The following CSMD2 variants were observed in gnomAD, a reference collection of about 807,000 sequenced individuals.
CSMD2 encodes the protein CUB and Sushi multiple domains 2, also known as CUB and sushi domain-containing protein 2.
A neutral mutation model predicts 398.5 loss-of-function variants in CSMD2; 130 were observed. The ratio of observed to expected loss-of-function variants is 0.33; its 90% CI spans 0.28 to 0.38. The LOEUF (loss-of-function observed/expected upper bound fraction) is 0.38. Ranked by LOEUF, CSMD2 falls within the 10% of genes least tolerant of loss-of-function variation. The pLI, the probability that CSMD2 is intolerant of heterozygous loss-of-function variation, is 1.00. For missense variants in CSMD2, 3,829 were observed against 4,764.9 expected, an observed-to-expected ratio of 0.80 and a Z score of 5.78; for synonymous variants, 1,828 against 1,908.5, an observed-to-expected ratio of 0.96 and a Z score of 1.10.
intron 3 of CSMD2, among the ~76,000 whole-genome samples, chr1:34,009,521 T>A (rs1647176341): frequency 6.6e-6 from 1 of 151,652 alleles, no homozygotes; most frequent in Non-Finnish European, 1.5e-5. Context: ...TACTCCCAGC[T>A]CTCCTGGGAC....
intron 3 of CSMD2, among the ~76,000 whole-genome samples, chr1:33,938,980 T>A (rs1198461031): frequency 6.6e-6 from 1 of 151,850 alleles, no homozygotes; most frequent in Admixed American, 6.5e-5. Flanking sequence ...GTACTTCCCA[T>A]CTTTTGCTCT....
rs1654641071 is a variant in CSMD2 at position 33,524,943 on chromosome 1, A to G, written c.10335T>C (p.Val3445=). 2 of 1,614,088 alleles carry G rather than the reference A, an allele frequency of 1.2e-6. No individual in the cohort carries two copies. The highest frequency in any genetic ancestry group is 2.7e-5 in the African/African-American group (2 of 74,932). ...PAMLRVTGFQ[V]ANSKVNATMI... ...TGGTGGCATTGACCTTGCTGTTGGC[A>G]ACTTGGAAGCCAGTCACTCTGAGCA... Residue 3445 remains valine, a synonymous_variant, in exon 66 of 71, where the codon GTT becomes GTC. Transcript: ENST00000373381.
chr1:33,586,515 G>A lies in CSMD2; in HGVS notation c.7040C>T (p.Pro2347Leu), dbSNP rs778988624. The change falls in exon 46 of 71, where the codon CCG (proline) becomes CTG (leucine). Residue 2347 changes from proline (P) to leucine (L), a missense_variant. By Grantham distance (98) the Pro-to-Leu change is moderately conservative. Coordinates refer to ENST00000373381, the MANE Select transcript of CSMD2 (RefSeq NM_001281956.2). ...GTYLQFEGPP[P>L]ICEVHCPTNE... ...CTCCATGCAATTACCTTCACATATCGGGGGTGGTCCTTCAAACTGCAGGTA... is the reference window on the plus strand; with the variant it reads ...CTCCATGCAATTACCTTCACATATCAGGGGTGGTCCTTCAAACTGCAGGTA... The A allele has an allele frequency of 1.6e-5, 25 of 1,610,078 alleles. No individual in the cohort carries two copies. The highest frequency in any genetic ancestry group is 6.6e-5 in the South Asian group (6 of 90,982).
chr1:33,591,534 A>C (rs1557587411), intron 44 of CSMD2, among the ~76,000 whole-genome samples: 1 of 152,190 alleles, frequency 6.6e-6, no homozygotes, highest in Non-Finnish European at 1.5e-5. Flanking sequence ...CCATCACCTG[A>C]GTTTTTAAAA....
At position 33,999,473 on chromosome 1, in the gene CSMD2, G is replaced by T. The variant is rs559697573; in HGVS notation, c.517+33121C>A. ...GTAGCGAGATCATAGCTCACTTACT[G>T]CAGCCTTTAACTCCTGGGCTCAAGG... On this transcript the variant is annotated intron_variant, in intron 3 of 70. Transcript: ENST00000373381. 5.9e-5 allele frequency among the ~76,000 whole-genome samples: 9 copies of T among 152,180 alleles called. No individual in the cohort carries two copies. The South Asian group carries it at 1.9e-3, about 32-fold the overall frequency.
At chr1:33,744,657 C>T (rs1647208227) in intron 13 of CSMD2, among the ~76,000 whole-genome samples, 1 of 151,848 alleles carries the variant, frequency 6.6e-6, no homozygotes, top group Admixed American at 6.6e-5. Context: ...ACGCTTATGA[C>T]ACAGGAAAAA....
intron 1 of CSMD2, among the ~76,000 whole-genome samples, chr1:34,094,233 T>C (rs1658996702): frequency 6.6e-6 from 1 of 152,000 alleles, no homozygotes; most frequent in Non-Finnish European, 1.5e-5. Flanking sequence ...CCACCAGGCC[T>C]GCCCTAAAAG....
intron 19 of CSMD2, among the ~76,000 whole-genome samples, chr1:33,721,774 G>A (rs1344822014): frequency 6.6e-6 from 1 of 152,310 alleles, no homozygotes; most frequent in African/African-American, 2.4e-5. Context: ...CATGTGGTGG[G>A]ACTATAAATG....
intron 3 of CSMD2, among the ~76,000 whole-genome samples, chr1:33,976,890 C>A (rs1645985889): frequency 6.6e-6 from 1 of 152,062 alleles, no homozygotes; most frequent in African/African-American, 2.4e-5. Context: ...TGGTTCTTTA[C>A]CCCTTCCCTT....
At chr1:33,551,150 G>C (rs1055205567) in intron 55 of CSMD2, among the ~76,000 whole-genome samples, 1 of 152,228 alleles carries the variant, frequency 6.6e-6, no homozygotes. Context: ...TGGAACATCA[G>C]GTATAACGGG....
chr1:33,600,682 T>G, intron 44 of CSMD2, 183 bp downstream of exon 44: 1 of 642,050 alleles, frequency 1.6e-6, no homozygotes, highest in Non-Finnish European at 2.7e-6. Flanking sequence ...TACAGAACCC[T>G]GCACTGAGAG....
chr1:34,013,254 C>G (rs920673948), intron 3 of CSMD2, among the ~76,000 whole-genome samples: 2 of 152,204 alleles, frequency 1.3e-5, no homozygotes, highest in African/African-American at 4.8e-5. Context: ...TAGGTGCCTG[C>G]CAGGCAGAGA....
In CSMD2 at chr1:33,542,782, C is replaced by A; in HGVS notation, c.9215G>T (p.Gly3072Val). The change falls in exon 58 of 71, where the codon GGC becomes GTC. Residue 3072 changes from glycine (G) to valine (V), a missense_variant. Transcript: ENST00000373381. The stretch of plus-strand genomic sequence containing the variant: ...GACCGAGCAGTGACGGCTGAGCAGG[C>A]CTGTGGCGTAGTATCCTTCCCGGCA... ...YECREGYYAT[G>V]LLSRHCSVNG... The A allele has an allele frequency of 6.2e-7, 1 of 1,614,144 alleles. No individual in the cohort carries two copies. The highest frequency in any genetic ancestry group is 8.5e-7 in the Non-Finnish European group (1 of 1,180,022).
At chr1:33,892,685 G>C (rs1642109039) in intron 5 of CSMD2, among the ~76,000 whole-genome samples, 1 of 152,156 alleles carries the variant, frequency 6.6e-6, no homozygotes, top group Non-Finnish European at 1.5e-5. Context: ...TATTCCATGG[G>C]GTACATATAC....
intron 5 of CSMD2, chr1:33,869,148 A>T (rs1048907340): frequency 1.3e-5 from 2 of 152,260 alleles, no homozygotes; most frequent in African/African-American, 4.8e-5. Context: ...GAGAGATTTC[A>T]GTAGTGGAGA....
At chr1:33,741,068 A>C (rs1409758977) in intron 14 of CSMD2, among the ~76,000 whole-genome samples, 1 of 152,134 alleles carries the variant, frequency 6.6e-6, no homozygotes, top group South Asian at 2.1e-4. Context: ...GGAGGTGCTT[A>C]ATGGATGGCA....
At position 34,089,151 on chromosome 1, in the gene CSMD2, A is replaced by G; in HGVS notation, c.230T>C (p.Val77Ala). ...TFQLHGPNGTVESPGFPYGYP... is the reference protein window; with the variant it reads ...TFQLHGPNGTAESPGFPYGYP... Reference sequence around the variant, plus strand: ...GCCATATGGGAACCCTGGGCTCTCAACTGTCCCATTGGGACCGTGCAGTTG... The same window carrying G: ...GCCATATGGGAACCCTGGGCTCTCAGCTGTCCCATTGGGACCGTGCAGTTG... Residue 77 changes from valine (V) to alanine (A), a missense_variant, in exon 2 of 71, where the codon GTT (valine) becomes GCT (alanine). Transcript: ENST00000373381. The G allele has an allele frequency of 6.2e-7, 1 of 1,614,172 alleles. No individual in the cohort carries two copies. Among genetic ancestry groups the G allele is most frequent in the South Asian group, 1.1e-5 (1 of 91,068 alleles).
intron 3 of CSMD2, among the ~76,000 whole-genome samples, chr1:33,990,740 A>AT (rs768108017): frequency 3.9e-5 from 6 of 152,206 alleles, no homozygotes; most frequent in Non-Finnish European, 7.3e-5. Context: ...AATCTAAGAC[A>AT]TTTAAACAGT....
chr1:33,789,519 G>A (rs1653972550), intron 11 of CSMD2, among the ~76,000 whole-genome samples: 1 of 152,246 alleles, frequency 6.6e-6, no homozygotes, highest in Non-Finnish European at 1.5e-5. Context: ...CCCTGTGCAG[G>A]CTGGGATTTC....
Sources: gnomAD v4.1 joint callset for allele counts (sites outside exome capture counted in the v4.1 genomes callset) on GRCh38, gnomAD v4.1.1 for gene constraint, MANE v1.5 for transcripts, NCBI Gene and HGNC (gene_info 2026-07-23, HGNC 2026-07-21) for gene names.